The following CCDC117 variants were observed in gnomAD, a reference collection of about 807,000 sequenced individuals.
The protein encoded by CCDC117 is coiled-coil domain-containing protein 117.
CCDC117 carries 1 observed loss-of-function variant against 23.5 expected under a neutral mutation model. The observed-to-expected ratio is 0.04, with a 90% confidence interval of 0.02 to 0.20. The LOEUF (loss-of-function observed/expected upper bound fraction) is 0.20, where lower values mean the gene tolerates loss of function less well. Among genes scored for constraint, CCDC117 ranks in the 10% least tolerant of loss-of-function variants. The probability of loss-of-function intolerance (pLI) is 1.00; values close to 1 mark genes in which losing one functional copy is unlikely to be tolerated. For missense variants in CCDC117, 383 were observed against 348.2 expected, an observed-to-expected ratio of 1.10 and a Z score of -0.80; for synonymous variants, 132 against 124.8, an observed-to-expected ratio of 1.06 and a Z score of -0.39.
chr22:28,777,276 G>T (rs925420321), intron 2 of CCDC117, among the ~76,000 whole-genome samples: 2 of 150,198 alleles, frequency 1.3e-5, no homozygotes, highest in Admixed American at 1.3e-4. Context: ...TCGCTCGCCC[G>T]CTGGCCCTGG....
At position 28,783,562 on chromosome 22, in the gene CCDC117, C is replaced by T. The variant is rs558330098; in HGVS notation, c.519C>T (p.Pro173=). ...VEADRNVNHL[P]SLVLSDTMKT... is the part of the protein sequence containing the mutation. ...CTGACAGAAATGTTAACCATCTCCC[C>T]AGTCTTGTCCTTTCTGATACCATGA... is the stretch of plus-strand genomic sequence containing the variant. Residue 173 remains proline (P), a synonymous_variant, in exon 4 of 5, where the codon CCC becomes CCT. Coordinates refer to ENST00000249064, the MANE Select transcript of CCDC117 (RefSeq NM_173510.4). The T allele has an allele frequency of 6.1e-5, 99 of 1,613,384 alleles. No individual in the cohort carries two copies. The highest frequency in any genetic ancestry group is 7.8e-5 in the Non-Finnish European group (92 of 1,179,538).
rs1213019233 is a variant in CCDC117, at chr22:28,786,454, TG to T, written c.*133del. ...TGTAATAATATCTCCACCTGTGATT[TG>T]GGGGTGGGACTCTTATTTTGGGTAG... On this transcript the variant is annotated 3_prime_UTR_variant, in exon 5 of 5. Transcript: ENST00000249064. The T allele has an allele frequency of 1.6e-6, 1 of 623,144 alleles. No individual in the cohort carries two copies. 38.6% of individuals were successfully genotyped at this position (623,144 alleles called of 1,614,324 possible).
intron 3 of CCDC117, among the ~76,000 whole-genome samples, chr22:28,783,272 C>T (rs1001192892): frequency 6.6e-6 from 1 of 151,970 alleles, no homozygotes; most frequent in African/African-American, 2.4e-5. Flanking sequence ...AACTCCTAAC[C>T]TCAGGTGATC....
At chr22:28,785,975 C>A in intron 4 of CCDC117, 114 bp from the exon 5 acceptor site, 1 of 699,854 alleles carries the variant, frequency 1.4e-6, no homozygotes. Context: ...TTCTAAATCT[C>A]CTGTTTTGCT....
At chr22:28,780,900 C>A in intron 2 of CCDC117, 48 bp from the exon 3 acceptor site, 1 of 1,359,900 alleles carries the variant, frequency 7.4e-7, no homozygotes, top group Non-Finnish European at 1.0e-6. Context: ...ATAAACATTT[C>A]ATTTATATTA....
At chr22:28,783,287 C>T (rs1451706453) in intron 3 of CCDC117, among the ~76,000 whole-genome samples, 11 of 151,182 alleles carry the variant, frequency 7.3e-5, no homozygotes, top group Non-Finnish European at 1.5e-4. Flanking sequence ...GTGATCTGCC[C>T]GCCTCGGCCT....
intron 2 of CCDC117, among the ~76,000 whole-genome samples, chr22:28,776,630 G>C (rs895104181): frequency 6.6e-6 from 1 of 150,836 alleles, no homozygotes; most frequent in African/African-American, 2.4e-5. Context: ...TGTTGCCCAG[G>C]CTGGAGCGCA....
intron 2 of CCDC117, among the ~76,000 whole-genome samples, chr22:28,776,026 G>A (rs1392717760): frequency 6.6e-6 from 1 of 152,208 alleles, no homozygotes; most frequent in Non-Finnish European, 1.5e-5. Context: ...ACCTCCAGAT[G>A]TTGGGATGCG....
In CCDC117 at chr22:28,781,059, T is replaced by G; in HGVS notation, c.351T>G (p.Val117=). The change falls in exon 3 of 5, where the codon GTT becomes GTG. Residue 117 remains valine (V), a synonymous_variant. Transcript: ENST00000249064. The part of the protein sequence containing the change: ...DVEGHGVNPS[V]SGLSIPGILD... ...AGGGGCATGGAGTAAATCCCAGTGT[T>G]AGTGGCCTTTCCATACCTGGGATAT... 6.2e-7 allele frequency: 1 copy of G among 1,613,974 alleles called. No individual in the cohort carries two copies. Among genetic ancestry groups the G allele is most frequent in the Non-Finnish European group, 8.5e-7 (1 of 1,179,886 alleles).
chr22:28,779,266 A>G (rs576425760), intron 2 of CCDC117, among the ~76,000 whole-genome samples: 6 of 152,138 alleles, frequency 3.9e-5, no homozygotes, highest in Admixed American at 6.6e-5. Flanking sequence ...CAGTGACGCA[A>G]TCTTGGCTCA....
intron 1 of CCDC117, chr22:28,773,384 A>G: frequency 4.2e-6 from 1 of 238,052 alleles, no homozygotes; most frequent in Non-Finnish European, 8.2e-6. Context: ...TCTCATCTGC[A>G]AAGTATGCCA....
intron 3 of CCDC117, among the ~76,000 whole-genome samples, chr22:28,783,227 G>C (rs1057480033): frequency 6.6e-6 from 1 of 151,978 alleles, no homozygotes. Context: ...TTTTAGTAGA[G>C]ATAGGGTTTC....
At position 28,786,163 on chromosome 22, in the gene CCDC117, C is replaced by CT. The variant is rs1269573942; in HGVS notation, c.678dup (p.Asn227Ter). On this transcript the variant is annotated frameshift_variant, in exon 5 of 5. Coordinates refer to ENST00000249064, the MANE Select transcript of CCDC117 (RefSeq NM_173510.4). LOFTEE classifies it high-confidence loss of function. ...CTTTCTGATAAGCCAAAGCCATCCT[C>CT]TAATACTAAGAACTATACAGGAGAG... is the stretch of plus-strand genomic sequence containing the variant. 1.2e-6 allele frequency: 2 copies of CT among 1,613,996 alleles called. No homozygotes were observed. The highest frequency in any genetic ancestry group is 1.7e-6 in the Non-Finnish European group (2 of 1,180,004).
chr22:28,783,672 T>A (rs763240602), intron 4 of CCDC117, 27 bp downstream of exon 4: 1 of 1,607,226 alleles, frequency 6.2e-7, no homozygotes, highest in South Asian at 1.1e-5. Flanking sequence ...GATTTCTATT[T>A]AATTATGATC....
chr22:28,781,030 G>T lies in CCDC117; in HGVS notation c.322G>T (p.Val108Leu), dbSNP rs147505096. 2.8e-4 allele frequency: 453 copies of T among 1,613,958 alleles called. No homozygotes were observed. Among genetic ancestry groups the T allele is most frequent in the Non-Finnish European group, 3.8e-4 (445 of 1,179,962 alleles). Residue 108 changes from valine (V) to leucine (L), a missense_variant, in exon 3 of 5, where the codon GTA becomes TTA. Val to Leu is a conservative substitution (Grantham distance 32, BLOSUM62 1). Transcript: ENST00000249064. ...NDWILCAHQD[V>L]EGHGVNPSVS... is the part of the protein sequence containing the mutation. Reference sequence around the variant, plus strand: ...CTGGATTCTTTGTGCACATCAGGATGTAGAGGGGCATGGAGTAAATCCCAG... The same window carrying T: ...CTGGATTCTTTGTGCACATCAGGATTTAGAGGGGCATGGAGTAAATCCCAG...
At chr22:28,779,486 A>G (rs1380425748) in intron 2 of CCDC117, among the ~76,000 whole-genome samples, 1 of 152,114 alleles carries the variant, frequency 6.6e-6, no homozygotes, top group Non-Finnish European at 1.5e-5. Context: ...GATTACAGGC[A>G]TGAACTACCG....
At chr22:28,773,063 G>C in intron 1 of CCDC117, 29 bp downstream of exon 1, 1 of 448,542 alleles carries the variant, frequency 2.2e-6, no homozygotes. Context: ...GCAGGGCGCA[G>C]GGCGGGCGGG....
In CCDC117 at chr22:28,789,042, T is replaced by A. The variant is rs1420046805; in HGVS notation, c.*2716T>A. The A allele has an allele frequency of 1.3e-5, 2 of 151,022 alleles. No homozygotes were observed. The highest frequency in any genetic ancestry group is 4.9e-5 in the African/African-American group (2 of 41,034). The allele number at this position is 151,022 out of a possible 1,614,324, so 9.4% of individuals were successfully genotyped here. Reference sequence around the variant, plus strand: ...CATAAATATTGATCACTTAAAAAACTTACTCTTTCTTGAAAAGGTACACAT... The same window carrying A: ...CATAAATATTGATCACTTAAAAAACATACTCTTTCTTGAAAAGGTACACAT... On this transcript the variant is annotated 3_prime_UTR_variant, in exon 5 of 5. Coordinates refer to ENST00000249064, the MANE Select transcript of CCDC117 (RefSeq NM_173510.4).
chr22:28,780,994 G>C lies in CCDC117; in HGVS notation c.286G>C (p.Gly96Arg). The change falls in exon 3 of 5, where the codon GGT becomes CGT. Residue 96 changes from glycine to arginine, a missense_variant. Physicochemically the swap from Gly to Arg is moderately radical, Grantham distance 125 (BLOSUM62 -2). Coordinates refer to ENST00000249064, the MANE Select transcript of CCDC117 (RefSeq NM_173510.4). ...KRITEAELCA[G>R]PNDWILCAHQ... is the part of the protein sequence containing the mutation. ...GATAACTGAAGCAGAGCTCTGTGCT[G>C]GTCCTAATGACTGGATTCTTTGTGC... 4 of 1,613,986 alleles carry C rather than the reference G, an allele frequency of 2.5e-6. No individual in the cohort carries two copies. Among genetic ancestry groups the C allele is most frequent in the Non-Finnish European group, 3.4e-6 (4 of 1,179,968 alleles).
Sources: gnomAD v4.1 joint callset for allele counts (sites outside exome capture counted in the v4.1 genomes callset) on GRCh38, gnomAD v4.1.1 for gene constraint, MANE v1.5 for transcripts, NCBI Gene and HGNC (gene_info 2026-07-23, HGNC 2026-07-21) for gene names.